Variants in ITFG1 observed in about 807,000 individuals in gnomAD.
ITFG1 encodes T-cell immunomodulatory protein.
ITFG1 carries 34 observed loss-of-function variants against 81.8 expected under a neutral mutation model. The observed-to-expected ratio is 0.42, with a 90% CI of 0.32 to 0.55. The LOEUF (loss-of-function observed/expected upper bound fraction) is 0.55. Among genes scored for constraint, ITFG1 ranks in the 20% least tolerant of loss-of-function variants. The probability of loss-of-function intolerance (pLI) is 0.17; values close to 1 mark genes in which losing one functional copy is unlikely to be tolerated. For synonymous variants in ITFG1, 285 were observed against 270.6 expected, an observed-to-expected ratio of 1.05 and a Z score of -0.52; for missense variants, 672 against 755.4, an observed-to-expected ratio of 0.89 and a Z score of 1.29.
rs1223776494 is a variant in ITFG1 at position 47,188,140 on chromosome 16, T to G, written c.1454-25476A>C. Among the ~76,000 whole-genome samples, 17 of 149,582 alleles carry G rather than the reference T, an allele frequency of 1.1e-4. 1 individual carries two copies. Among genetic ancestry groups the G allele is most frequent in the Non-Finnish European group, 2.6e-4 (17 of 66,602 alleles). On this transcript the variant is annotated intron_variant, in intron 14 of 17. Coordinates refer to ENST00000320640, the MANE Select transcript of ITFG1 (RefSeq NM_030790.5). ...AGGTGCTGGAGAGGATGTGGAGAAA[T>G]AGGAACACTTTTACACTGTTGGTGG...
chr16:47,421,270 GCACACACACACACA>G lies in ITFG1; in HGVS notation c.655+7520_655+7533del, dbSNP rs58232411. ...TATACACACATATATACATACATAT[GCACACACACACACA>G]CACACACACACACACACACACATAC... On this transcript the variant is annotated intron_variant, in intron 6 of 17. Transcript: ENST00000320640. Among the ~76,000 whole-genome samples, 9 of 130,024 alleles carry G rather than the reference GCACACACACACACA, an allele frequency of 6.9e-5. No individual in the cohort carries two copies. The East Asian group carries it at 1.6e-3, about 23-fold the overall frequency. The allele number at this position is 130,024 out of a possible 152,430, so 85.3% of individuals were successfully genotyped here. A position where few individuals can be genotyped will look rare whatever the true frequency, so the allele number is the denominator to read the frequency against.
intron 13 of ITFG1, among the ~76,000 whole-genome samples, chr16:47,223,768 A>G (rs1189716574): frequency 6.6e-6 from 1 of 152,220 alleles, no homozygotes; most frequent in Non-Finnish European, 1.5e-5. Flanking sequence ...GTGCACATGT[A>G]TGTTTATTGC....
intron 14 of ITFG1, among the ~76,000 whole-genome samples, chr16:47,171,063 G>C (rs1285886042): frequency 8.1e-6 from 1 of 123,312 alleles, no homozygotes; most frequent in Admixed American, 9.9e-5. Context: ...ACAGGGTCTT[G>C]CTCTACCACA....
At chr16:47,265,153 T>A (rs201019028) in intron 10 of ITFG1, among the ~76,000 whole-genome samples, 1 of 145,816 alleles carries the variant, frequency 6.9e-6, no homozygotes, top group African/African-American at 2.5e-5. Context: ...TTACCTGATA[T>A]GTTGTAAATA....
intron 7 of ITFG1, among the ~76,000 whole-genome samples, chr16:47,366,327 G>C (rs1179811084): frequency 2.0e-5 from 3 of 152,086 alleles, no homozygotes; most frequent in African/African-American, 7.2e-5. Context: ...GATTCTGTTG[G>C]GAACAATTAA....
At chr16:47,347,732 G>A (rs951649514) in intron 8 of ITFG1, among the ~76,000 whole-genome samples, 7 of 152,196 alleles carry the variant, frequency 4.6e-5, no homozygotes, top group African/African-American at 7.2e-5. Context: ...ATCTGAGAAC[G>A]GACAGACTGC....
intron 8 of ITFG1, among the ~76,000 whole-genome samples, chr16:47,364,184 T>C (rs1968146139): frequency 6.6e-6 from 1 of 152,238 alleles, no homozygotes; most frequent in Admixed American, 6.5e-5. Flanking sequence ...CAATGTGTGA[T>C]ATTTATTAAA....
intron 1 of ITFG1, among the ~76,000 whole-genome samples, chr16:47,459,923 C>A (rs529004911): frequency 6.3e-4 from 96 of 152,310 alleles, no homozygotes; most frequent in Non-Finnish European, 7.4e-4. Context: ...AAGTCTGGTT[C>A]AGGATCCTGT....
intron 14 of ITFG1, among the ~76,000 whole-genome samples, chr16:47,183,699 G>C (rs1965166243): frequency 6.6e-6 from 1 of 152,182 alleles, no homozygotes; most frequent in African/African-American, 2.4e-5. Context: ...AAACAGAGCA[G>C]AAAAACTGGA....
Position 47,361,640 on chromosome 16 carries a change from C to A in ITFG1, c.802+4148G>T, listed in dbSNP as rs558749914. Among the ~76,000 whole-genome samples, 172 of 152,284 alleles carry A rather than the reference C, an allele frequency of 1.1e-3. 1 individual carries two copies. The highest frequency in any genetic ancestry group is 3.4e-3 in the Middle Eastern group (1 of 294). ...AATATGAGACCAGGGCCCAGAACCT[C>A]ATCTGACACTTACCAGTAGCAGCAA... is the stretch of plus-strand genomic sequence containing the variant. On this transcript the variant is annotated intron_variant, in intron 8 of 17. Transcript: ENST00000320640.
chr16:47,431,595 G>A (rs1239173032), intron 5 of ITFG1, among the ~76,000 whole-genome samples: 2 of 152,168 alleles, frequency 1.3e-5, no homozygotes, highest in South Asian at 4.1e-4. Context: ...AATGGTGTGG[G>A]ATCCAGATAG....
At chr16:47,252,781 CAG>C (rs1254763213) in intron 12 of ITFG1, among the ~76,000 whole-genome samples, 1 of 152,104 alleles carries the variant, frequency 6.6e-6, no homozygotes, top group African/African-American at 2.4e-5. Flanking sequence ...ATTAGAGTAA[CAG>C]AATAATTTAA....
intron 14 of ITFG1, among the ~76,000 whole-genome samples, chr16:47,181,405 G>C (rs1277581305): frequency 6.8e-6 from 1 of 147,306 alleles, no homozygotes; most frequent in Non-Finnish European, 1.5e-5. Context: ...GGAGATGGGG[G>C]GGTCAGCCCC....
At chr16:47,223,480 G>A (rs1965718699) in intron 13 of ITFG1, among the ~76,000 whole-genome samples, 1 of 152,154 alleles carries the variant, frequency 6.6e-6, no homozygotes, top group African/African-American at 2.4e-5. Flanking sequence ...ACCATCACTG[G>A]CTATCAGAGA....
intron 8 of ITFG1, among the ~76,000 whole-genome samples, chr16:47,328,808 A>G (rs1325503106): frequency 6.6e-6 from 1 of 152,166 alleles, no homozygotes; most frequent in East Asian, 1.9e-4. Flanking sequence ...TTTACTAATA[A>G]ACTAACCTAT....
chr16:47,202,359 A>G (rs1346392651), intron 14 of ITFG1: 1 of 152,220 alleles, frequency 6.6e-6, no homozygotes, highest in Non-Finnish European at 1.5e-5. Context: ...ATTATGCCAC[A>G]ACCTTGATAA....
At chr16:47,449,487 G>A (rs1282502721) in intron 5 of ITFG1, 1 of 152,174 alleles carries the variant, frequency 6.6e-6, no homozygotes, top group Non-Finnish European at 1.5e-5. Flanking sequence ...TCTGAACCAT[G>A]ATATTGTTAG....
chr16:47,398,107 C>A (rs978233018), intron 6 of ITFG1, among the ~76,000 whole-genome samples: 3 of 152,210 alleles, frequency 2.0e-5, no homozygotes, highest in African/African-American at 7.2e-5. Context: ...TGACCACACA[C>A]ACAGTAGGCT....
At chr16:47,459,263 C>G in intron 1 of ITFG1, 88 bp from the exon 2 acceptor site, 1 of 868,628 alleles carries the variant, frequency 1.2e-6, no homozygotes, top group South Asian at 1.4e-5. Flanking sequence ...GGGCACTGTT[C>G]TCAACAAGAA....
Sources: gnomAD v4.1 joint callset for allele counts (sites outside exome capture counted in the v4.1 genomes callset) on GRCh38, gnomAD v4.1.1 for gene constraint, MANE v1.5 for transcripts, NCBI Gene and HGNC (gene_info 2026-07-23, HGNC 2026-07-21) for gene names.